OLFM3: variants seen among roughly 807,000 people sequenced by gnomAD.
OLFM3 encodes noelin-3.
OLFM3 carries 20 observed loss-of-function variants against 48.6 expected under a neutral mutation model. The observed-to-expected ratio is 0.41, with a 90% CI of 0.29 to 0.60. The LOEUF is 0.60. OLFM3 is among the 20% of genes least tolerant of loss of function. OLFM3 has a pLI of 0.28. For missense variants in OLFM3, 437 were observed against 544.3 expected (o/e 0.80, Z 1.96); for synonymous variants, 222 against 198.1 (o/e 1.12, Z -1.01).
intron 1 of OLFM3, among the ~76,000 whole-genome samples, chr1:101,940,687 T>C (rs1659765720): frequency 1.3e-5 from 2 of 150,502 alleles, no homozygotes; most frequent in South Asian, 4.2e-4. Context: ...CAGCTATATA[T>C]ATATATCCAG....
chr1:101,854,081 C>T (rs1340879216), intron 1 of OLFM3, among the ~76,000 whole-genome samples: 1 of 151,994 alleles, frequency 6.6e-6, no homozygotes, highest in Admixed American at 6.6e-5. Flanking sequence ...TTTTAAAAAA[C>T]CATTTCACTA....
chr1:101,958,078 T>C (rs1660352126), intron 1 of OLFM3, among the ~76,000 whole-genome samples: 1 of 152,106 alleles, frequency 6.6e-6, no homozygotes, highest in African/African-American at 2.4e-5. Flanking sequence ...TTATATCACC[T>C]ATTCTGTCTC....
chr1:101,970,472 T>G (rs960647071), intron 1 of OLFM3, among the ~76,000 whole-genome samples: 3 of 152,228 alleles, frequency 2.0e-5, no homozygotes, highest in South Asian at 2.1e-4. Context: ...TTCTTTTCTT[T>G]CTCCCTTTCA....
At chr1:101,884,517 CA>C (rs1239251785) in intron 1 of OLFM3, among the ~76,000 whole-genome samples, 2 of 151,628 alleles carry the variant, frequency 1.3e-5, no homozygotes, top group African/African-American at 4.8e-5. Flanking sequence ...AAAAAACAGA[CA>C]AAAAATGCCA....
rs1653621110 is a variant in OLFM3 at position 101,803,915 on chromosome 1, G to A, written c.*323C>T. 5.7e-6 allele frequency: 1 copy of A among 176,924 alleles called. No homozygotes were observed. Among genetic ancestry groups the A allele is most frequent in the Non-Finnish European group, 1.2e-5 (1 of 85,344 alleles). The allele number at this position is 176,924 out of a possible 1,614,324, so 11.0% of individuals were successfully genotyped here. A position where few individuals can be genotyped will look rare whatever the true frequency, so the allele number is the denominator to read the frequency against. On this transcript the variant is annotated 3_prime_UTR_variant, in exon 6 of 6. Transcript: ENST00000370103. ...AAAAAAAAGACATTCGTGCATTTAA[G>A]CCACCATTAGTCTCTGACTCTAATA... is the stretch of plus-strand genomic sequence containing the variant.
chr1:101,855,306 G>T (rs1656371599), intron 1 of OLFM3, among the ~76,000 whole-genome samples: 1 of 151,972 alleles, frequency 6.6e-6, no homozygotes, highest in African/African-American at 2.4e-5. Flanking sequence ...CCAGTTTATA[G>T]TTAAGGAACA....
intron 1 of OLFM3, among the ~76,000 whole-genome samples, chr1:101,890,716 G>A (rs541007904): frequency 1.8e-4 from 27 of 151,908 alleles, no homozygotes; most frequent in African/African-American, 6.5e-4. Context: ...AAACAAAAAC[G>A]ACTCCATGAA....
intron 4 of OLFM3, among the ~76,000 whole-genome samples, chr1:101,810,669 G>A (rs1272097008): frequency 2.0e-5 from 3 of 151,884 alleles, no homozygotes; most frequent in Admixed American, 2.0e-4. Context: ...TTGCAGAAGT[G>A]GAAACTGTGA....
At chr1:101,840,717 C>A (rs546815399) in intron 1 of OLFM3, among the ~76,000 whole-genome samples, 1 of 152,120 alleles carries the variant, frequency 6.6e-6, no homozygotes, top group African/African-American at 2.4e-5. Context: ...GCAATCTGCC[C>A]GCCTCGGCCT....
chr1:101,888,969 T>A (rs1657882849), intron 1 of OLFM3, among the ~76,000 whole-genome samples: 1 of 152,144 alleles, frequency 6.6e-6, no homozygotes, highest in Non-Finnish European at 1.5e-5. Context: ...CTCACACCAG[T>A]TAGAATGGCG....
chr1:101,813,076 C>T, intron 4 of OLFM3: 1 of 1,280,392 alleles, frequency 7.8e-7, no homozygotes, highest in South Asian at 1.3e-5. Flanking sequence ...TTATAGCTTC[C>T]CAAAATACTA....
chr1:101,958,835 T>TTATATATATATATATA (rs10571792), intron 1 of OLFM3, among the ~76,000 whole-genome samples: 2 of 146,392 alleles, frequency 1.4e-5, no homozygotes, highest in Non-Finnish European at 3.0e-5. Flanking sequence ...CAAAGTGATA[T>TTATATATATATATATA]TATATATATA....
intron 1 of OLFM3, among the ~76,000 whole-genome samples, chr1:101,951,905 A>G (rs1660153581): frequency 6.6e-6 from 1 of 152,174 alleles, no homozygotes; most frequent in Non-Finnish European, 1.5e-5. Flanking sequence ...CTTTATAAAG[A>G]AGGTGGATTG....
chr1:101,944,213 A>G (rs1442419541), intron 1 of OLFM3, among the ~76,000 whole-genome samples: 1 of 152,104 alleles, frequency 6.6e-6, no homozygotes, highest in Admixed American at 6.6e-5. Context: ...GCCAATGCCT[A>G]GGAAAGTAAC....
chr1:101,862,143 A>G (rs1570572205), intron 1 of OLFM3, among the ~76,000 whole-genome samples: 3 of 152,156 alleles, frequency 2.0e-5, no homozygotes, highest in Admixed American at 2.0e-4. Flanking sequence ...ACACATGTTG[A>G]ATATTGTATC....
At chr1:101,985,469 T>A (rs984368765) in intron 1 of OLFM3, among the ~76,000 whole-genome samples, 7 of 152,212 alleles carry the variant, frequency 4.6e-5, no homozygotes, top group African/African-American at 1.7e-4. Context: ...AAAAGAAACT[T>A]TCTCATAATT....
At chr1:101,906,542 T>G (rs939227645) in intron 1 of OLFM3, among the ~76,000 whole-genome samples, 3 of 152,174 alleles carry the variant, frequency 2.0e-5, no homozygotes, top group Non-Finnish European at 2.9e-5. Context: ...TAAGTTCCTT[T>G]GATTTTAGCT....
At position 101,803,298 on chromosome 1, in the gene OLFM3, A is replaced by G. The variant is rs1653579883; in HGVS notation, c.*940T>C. Reference sequence around the variant, plus strand: ...ATGAAGAACAAAATTTCTTTAGTGTATAATAAATGAGTAGAGTCAACTCAA... The same window carrying G: ...ATGAAGAACAAAATTTCTTTAGTGTGTAATAAATGAGTAGAGTCAACTCAA... On this transcript the variant is annotated 3_prime_UTR_variant, in exon 6 of 6. Coordinates refer to ENST00000370103, the MANE Select transcript of OLFM3 (RefSeq NM_058170.4). 6.6e-6 allele frequency: 1 copy of G among 152,166 alleles called. No homozygotes were observed. The highest frequency in any genetic ancestry group is 2.1e-4 in the South Asian group (1 of 4,832). The allele number at this position is 152,166 out of a possible 1,614,324, so 9.4% of individuals were successfully genotyped here. A position where few individuals can be genotyped will look rare whatever the true frequency, so the allele number is the denominator to read the frequency against.
chr1:101,861,899 T>C (rs988158536), intron 1 of OLFM3, among the ~76,000 whole-genome samples: 9 of 152,210 alleles, frequency 5.9e-5, no homozygotes, highest in Non-Finnish European at 1.0e-4. Flanking sequence ...TTAGATTTAT[T>C]AACTTGTTGT....
Sources: gnomAD v4.1 joint callset for allele counts (sites outside exome capture counted in the v4.1 genomes callset) on GRCh38, gnomAD v4.1.1 for gene constraint, MANE v1.5 for transcripts, NCBI Gene and HGNC (gene_info 2026-07-23, HGNC 2026-07-21) for gene names.